CSMD3: variants seen among roughly 807,000 people sequenced by gnomAD.
CSMD3 encodes the protein CUB and sushi domain-containing protein 3.
In CSMD3, 177 loss-of-function variants were observed where a neutral mutation model predicts 435.2. That is an observed-to-expected ratio of 0.41 (90% CI 0.36 to 0.46). The LOEUF is 0.46. Ranked by LOEUF, CSMD3 falls within the 20% of genes least tolerant of loss-of-function variation. The pLI is 0.34. For missense variants in CSMD3, 4,265 were observed against 4,504.6 expected, an observed-to-expected ratio of 0.95 and a Z score of 1.52; for synonymous variants, 1,656 against 1,520.5, an observed-to-expected ratio of 1.09 and a Z score of -2.07.
chr8:113,364,658 T>C (rs2094299787), intron 1 of CSMD3, among the ~76,000 whole-genome samples: 1 of 152,134 alleles, frequency 6.6e-6, no homozygotes, highest in Non-Finnish European at 1.5e-5. Flanking sequence ...TTTTTTTCCT[T>C]ATTGTTATAT....
chr8:113,095,081 A>C (rs917022722), intron 5 of CSMD3, among the ~76,000 whole-genome samples: 2 of 152,056 alleles, frequency 1.3e-5, no homozygotes, highest in Non-Finnish European at 2.9e-5. Flanking sequence ...AGAAAAAAAA[A>C]AAATCACATA....
intron 32 of CSMD3, among the ~76,000 whole-genome samples, chr8:112,449,400 G>A (rs1816004671): frequency 6.6e-6 from 1 of 152,120 alleles, no homozygotes. Flanking sequence ...GAAGAGCGTT[G>A]AGTTGTGGTG....
intron 10 of CSMD3, among the ~76,000 whole-genome samples, chr8:112,900,688 T>G (rs1271170348): frequency 1.3e-5 from 2 of 151,228 alleles, no homozygotes; most frequent in Non-Finnish European, 3.0e-5. Context: ...ATAACAAATT[T>G]GTTTATGAAG....
intron 45 of CSMD3, among the ~76,000 whole-genome samples, chr8:112,331,845 A>G (rs983078145): frequency 6.6e-6 from 1 of 152,040 alleles, no homozygotes; most frequent in African/African-American, 2.4e-5. Context: ...ATAATGAATT[A>G]TATACTTGGT....
intron 5 of CSMD3, among the ~76,000 whole-genome samples, chr8:113,033,604 T>C (rs193152751): frequency 1.3e-5 from 2 of 151,262 alleles, no homozygotes; most frequent in African/African-American, 4.8e-5. Context: ...CTTTTGCTTT[T>C]GCTTTTGATT....
At chr8:113,179,295 T>A (rs748887222) in intron 3 of CSMD3, among the ~76,000 whole-genome samples, 12 of 151,812 alleles carry the variant, frequency 7.9e-5, no homozygotes, top group African/African-American at 4.8e-5. Flanking sequence ...GCAGTTTTAT[T>A]ATTATTATAA....
At chr8:113,271,383 C>G (rs1222716937) in intron 3 of CSMD3, among the ~76,000 whole-genome samples, 1 of 151,962 alleles carries the variant, frequency 6.6e-6, no homozygotes, top group African/African-American at 2.4e-5. Context: ...TTTGACTGGG[C>G]CCAGGGTCCT....
rs564144647 is a variant in CSMD3, at chr8:112,229,938, G to A, written c.10829-1047C>T. ...AATTTAAACTAGAGAAATAGGAAGT[G>A]CATGGGACAATAGATTTGAGGAAGA... On this transcript the variant is annotated intron_variant, in intron 69 of 70. Coordinates refer to ENST00000297405, the MANE Select transcript of CSMD3 (RefSeq NM_198123.2). 1.8e-3 allele frequency among the ~76,000 whole-genome samples: 270 copies of A among 151,842 alleles called. 1 individual carries two copies. The highest frequency in any genetic ancestry group is 6.1e-3 in the African/African-American group (253 of 41,410).
intron 22 of CSMD3, among the ~76,000 whole-genome samples, chr8:112,601,040 G>A (rs1245556666): frequency 6.6e-6 from 1 of 151,950 alleles, no homozygotes; most frequent in African/African-American, 2.4e-5. Flanking sequence ...TAACAAGGAG[G>A]TAGGAATACT....
At chr8:113,404,267 T>C (rs1167159372) in intron 1 of CSMD3, among the ~76,000 whole-genome samples, 1 of 151,422 alleles carries the variant, frequency 6.6e-6, no homozygotes, top group Non-Finnish European at 1.5e-5. Context: ...AAATAATGCA[T>C]TACTGTTCAC....
intron 5 of CSMD3, among the ~76,000 whole-genome samples, chr8:113,087,433 C>T (rs919695466): frequency 1.6e-4 from 24 of 152,316 alleles, no homozygotes; most frequent in Admixed American, 9.2e-4. Context: ...AAGCTGGAGG[C>T]ATCATGCTAC....
At chr8:112,627,388 C>G (rs989921187) in intron 22 of CSMD3, among the ~76,000 whole-genome samples, 1 of 152,090 alleles carries the variant, frequency 6.6e-6, no homozygotes, top group Non-Finnish European at 1.5e-5. Context: ...TTTTCTGGCA[C>G]TTTCGTAATT....
intron 10 of CSMD3, among the ~76,000 whole-genome samples, chr8:112,908,935 T>A (rs976607312): frequency 6.6e-6 from 1 of 151,588 alleles, no homozygotes; most frequent in South Asian, 2.1e-4. Context: ...ATACAAATAA[T>A]GGTAAGTGAG....
rs1221358564 is a variant in CSMD3 at position 112,509,612 on chromosome 8, T to C, written c.4757-2783A>G. ...CTTTATCTTAAATTCACCATCCTAG[T>C]TTCTGGAATCTTAGAAGCCAGTGTT... On this transcript the variant is annotated intron_variant, in intron 28 of 70. Transcript: ENST00000297405. 2.0e-5 allele frequency among the ~76,000 whole-genome samples: 3 copies of C among 152,288 alleles called. No homozygotes were observed. The East Asian group carries it at 5.8e-4, about 29-fold the overall frequency.
intron 22 of CSMD3, among the ~76,000 whole-genome samples, chr8:112,620,991 C>T (rs1563776810): frequency 6.6e-6 from 1 of 152,120 alleles, no homozygotes; most frequent in Non-Finnish European, 1.5e-5. Flanking sequence ...AATCCCAGCA[C>T]TTTGGTAGGC....
chr8:112,405,246 T>TATATATATATAC (rs1199452249), intron 35 of CSMD3, among the ~76,000 whole-genome samples: 9 of 81,538 alleles, frequency 1.1e-4, no homozygotes, highest in South Asian at 4.2e-4. Flanking sequence ...TATATATATA[T>TATATATATATAC]ACATATATAT....
intron 6 of CSMD3, among the ~76,000 whole-genome samples, chr8:113,011,835 T>C (rs2086266242): frequency 6.6e-6 from 1 of 151,808 alleles, no homozygotes; most frequent in Non-Finnish European, 1.5e-5. Context: ...ATTATTTAGA[T>C]AGATCATTTT....
chr8:112,333,873 T>G (rs996019735), intron 45 of CSMD3, among the ~76,000 whole-genome samples: 1 of 152,176 alleles, frequency 6.6e-6, no homozygotes, highest in African/African-American at 2.4e-5. Flanking sequence ...CAGAAATCCA[T>G]GTGGAGATAA....
intron 20 of CSMD3, among the ~76,000 whole-genome samples, chr8:112,642,943 C>A (rs928398601): frequency 6.6e-6 from 1 of 152,068 alleles, no homozygotes; most frequent in African/African-American, 2.4e-5. Flanking sequence ...TAGAAAACCA[C>A]ATTTTAAAGA....
Sources: allele counts gnomAD v4.1 joint callset (sites outside exome capture counted in the v4.1 genomes callset), GRCh38; gene constraint gnomAD v4.1.1; transcripts MANE v1.5; gene names NCBI Gene and HGNC (gene_info 2026-07-23, HGNC 2026-07-21).